HPSE2: variants seen among roughly 807,000 people sequenced by gnomAD.
HPSE2 encodes the protein heparanase 2 (inactive), also known as inactive heparanase-2.
In HPSE2, 38 loss-of-function variants were observed where a neutral mutation model predicts 60.5. The observed-to-expected ratio is 0.63, with a 90% CI of 0.48 to 0.82. The LOEUF (loss-of-function observed/expected upper bound fraction) is 0.82. Ranked by LOEUF, HPSE2 falls within the 40% of genes least tolerant of loss-of-function variation. HPSE2 has a pLI of 0.00. For synonymous variants in HPSE2, 295 were observed against 293.2 expected (o/e 1.01, Z -0.06); for missense variants, 713 against 740.4 (o/e 0.96, Z 0.43).
chr10:98,596,184 C>T (rs566809324), intron 9 of HPSE2, among the ~76,000 whole-genome samples: 1 of 152,110 alleles, frequency 6.6e-6, no homozygotes, highest in Non-Finnish European at 1.5e-5. Context: ...GTGACCTTAT[C>T]TGGCTTTGGT....
At chr10:98,474,760 C>T in intron 11 of HPSE2, among the ~76,000 whole-genome samples, 1 of 152,122 alleles carries the variant, frequency 6.6e-6, no homozygotes, top group East Asian at 1.9e-4. Flanking sequence ...GAAATTTAAA[C>T]ATTAATATGG....
intron 3 of HPSE2, among the ~76,000 whole-genome samples, chr10:99,002,574 C>T: frequency 6.6e-6 from 1 of 152,032 alleles, no homozygotes. Flanking sequence ...CAATATTCCT[C>T]AAAACTGTCA....
intron 3 of HPSE2, among the ~76,000 whole-genome samples, chr10:99,012,780 G>C (rs1458001663): frequency 6.6e-6 from 1 of 152,170 alleles, no homozygotes; most frequent in Non-Finnish European, 1.5e-5. Flanking sequence ...GGGTTATACT[G>C]ATAATAAAGC....
At position 99,184,161 on chromosome 10, in the gene HPSE2, A is replaced by T. The variant is rs1374010581; in HGVS notation, c.449-39762T>A. ...AAGAAGCAGGAAAATATGATCCATA[A>T]AGAGGAGAAAAATCAATAAACATAA... On this transcript the variant is annotated intron_variant, in intron 2 of 11. Transcript: ENST00000370552. Among the ~76,000 whole-genome samples the T allele has an allele frequency of 2.0e-5, 3 of 152,322 alleles. No individual in the cohort carries two copies. In the East Asian group the frequency reaches 5.8e-4, roughly 29 times the overall value.
intron 3 of HPSE2, among the ~76,000 whole-genome samples, chr10:98,976,043 G>T (rs1956076856): frequency 1.3e-5 from 2 of 152,014 alleles, no homozygotes; most frequent in South Asian, 4.1e-4. Context: ...TCTTCACTTA[G>T]CCAACCTTTT....
Position 99,047,874 on chromosome 10 carries a change from G to A in HPSE2, c.610+96364C>T, listed in dbSNP as rs183754492. The A allele has an allele frequency of 1.9e-4, 147 of 769,688 alleles. 1 individual carries two copies. The East Asian group carries it at 3.4e-3, about 18-fold the overall frequency. 47.7% of individuals were successfully genotyped at this position (769,688 alleles called of 1,614,324 possible). On this transcript the variant is annotated intron_variant, in intron 3 of 11. Coordinates refer to ENST00000370552, the MANE Select transcript of HPSE2 (RefSeq NM_021828.5). ...ATGGCGAGGATGGCAAGAAAAGCTG[G>A]CAACTTTAATGTACCTTCAGAACCC...
chr10:98,481,454 T>C (rs536373956), intron 11 of HPSE2, among the ~76,000 whole-genome samples: 1 of 152,188 alleles, frequency 6.6e-6, no homozygotes, highest in Admixed American at 6.5e-5. Flanking sequence ...ACACTCATCA[T>C]GAACTACTCA....
At chr10:98,946,907 C>A (rs1955202192) in intron 3 of HPSE2, among the ~76,000 whole-genome samples, 1 of 151,976 alleles carries the variant, frequency 6.6e-6, no homozygotes, top group Non-Finnish European at 1.5e-5. Flanking sequence ...TTTGTCTCTC[C>A]AGTAAATTGC....
At chr10:98,960,713 T>A (rs867369619) in intron 3 of HPSE2, among the ~76,000 whole-genome samples, 17,684 of 76,332 alleles carry the variant, frequency 0.23, 1,410 homozygotes, top group African/African-American at 0.39. Context: ...TTTTTTTTTT[T>A]TTTTTTTGTT....
chr10:99,189,832 AT>A (rs777676395), intron 2 of HPSE2, among the ~76,000 whole-genome samples: 34 of 152,128 alleles, frequency 2.2e-4, no homozygotes, highest in Non-Finnish European at 4.1e-4. Flanking sequence ...ACCCTTGAAA[AT>A]TTCTAAAATG....
intron 3 of HPSE2, among the ~76,000 whole-genome samples, chr10:98,814,852 T>G (rs1951248226): frequency 6.6e-6 from 1 of 152,260 alleles, no homozygotes; most frequent in East Asian, 1.9e-4. Context: ...CAATATAATT[T>G]GTTATTACGT....
chr10:99,192,253 T>C (rs1335156708), intron 2 of HPSE2, among the ~76,000 whole-genome samples: 1 of 152,116 alleles, frequency 6.6e-6, no homozygotes, highest in African/African-American at 2.4e-5. Context: ...AAGAAGGTTA[T>C]AGAACACCAA....
chr10:98,745,026 C>A (rs1589752364), intron 3 of HPSE2, among the ~76,000 whole-genome samples: 2 of 152,206 alleles, frequency 1.3e-5, no homozygotes, highest in East Asian at 1.9e-4. Flanking sequence ...CACGGTGAAA[C>A]CCCGTCTCTG....
intron 4 of HPSE2, among the ~76,000 whole-genome samples, chr10:98,730,833 A>G (rs1949209584): frequency 6.6e-6 from 1 of 152,258 alleles, no homozygotes; most frequent in African/African-American, 2.4e-5. Flanking sequence ...ATCTTTCCAC[A>G]AAGAAAGCCC....
At chr10:99,048,065 G>T in intron 3 of HPSE2, 1 of 720,256 alleles carries the variant, frequency 1.4e-6, no homozygotes, top group East Asian at 2.6e-5. Flanking sequence ...TATTGCATGG[G>T]GGTACCCAAA....
chr10:98,583,065 T>G (rs1944846800), intron 9 of HPSE2, among the ~76,000 whole-genome samples: 4 of 152,126 alleles, frequency 2.6e-5, no homozygotes, highest in African/African-American at 9.7e-5. Flanking sequence ...AAATGCCTAC[T>G]CCGGGAACTG....
intron 5 of HPSE2, among the ~76,000 whole-genome samples, chr10:98,697,595 T>C (rs1222865362): frequency 1.3e-5 from 2 of 152,224 alleles, no homozygotes; most frequent in East Asian, 1.9e-4. Context: ...CAGGATATTA[T>C]CCAGAAAAAC....
chr10:98,791,457 C>T (rs1182777528), intron 3 of HPSE2, among the ~76,000 whole-genome samples: 11 of 152,144 alleles, frequency 7.2e-5, no homozygotes, highest in Admixed American at 7.2e-4. Flanking sequence ...ATGTTTAGCA[C>T]ATCTGCTATA....
At chr10:99,029,407 G>A (rs1957448276) in intron 3 of HPSE2, among the ~76,000 whole-genome samples, 2 of 152,178 alleles carry the variant, frequency 1.3e-5, no homozygotes, top group Non-Finnish European at 2.9e-5. Context: ...AAGCCAGCTG[G>A]GCCCGGGGGA....
Sources: gnomAD v4.1 joint callset for allele counts (sites outside exome capture counted in the v4.1 genomes callset) on GRCh38, gnomAD v4.1.1 for gene constraint, MANE v1.5 for transcripts, NCBI Gene and HGNC (gene_info 2026-07-23, HGNC 2026-07-21) for gene names.